The following MTMR8 variants were observed in gnomAD, a reference collection of about 807,000 sequenced individuals.
MTMR8 encodes the protein phosphatidylinositol-3,5-bisphosphate 3-phosphatase MTMR8.
In MTMR8, 65 loss-of-function variants were observed where a neutral mutation model predicts 39.3. That is an observed-to-expected ratio of 1.65 (90% CI 1.35 to 2.03). MTMR8 has a LOEUF of 2.03. Among genes scored for constraint, MTMR8 ranks in the 30% most tolerant of loss-of-function variants. The pLI is 0.00. For synonymous variants in MTMR8, 245 were observed against 185.2 expected (o/e 1.32, Z -2.62); for missense variants, 777 against 538.9 (o/e 1.44, Z -4.37).
chrX:64,345,215 G>A (rs745846870), intron 6 of MTMR8, 38 bp from the exon 7 acceptor site: 10 of 1,182,708 alleles, frequency 8.5e-6, no homozygotes, highest in Non-Finnish European at 1.1e-5. Context: ...AGATAGGCCA[G>A]ATGATGAAAG....
rs1931926922 is a variant in MTMR8 at position 64,278,430 on chromosome X, TTGTTGA to T, written c.1482-7363_1482-7358del. Among the ~76,000 whole-genome samples the T allele has an allele frequency of 2.8e-5, 3 of 106,884 alleles. No homozygotes were observed. The Admixed American group carries it at 3.1e-4, about 11-fold the overall frequency. 92.8% of individuals were successfully genotyped at this position (106,884 alleles called of 115,157 possible). On this transcript the variant is annotated intron_variant, in intron 12 of 13. Transcript: ENST00000374852. ...TGGGGTTTCTGTGTGGATGTCCTTTTTGTTGATGTTGATGCTATTTATTTTGCTGGT... is the reference window on the plus strand; with the variant it reads ...TGGGGTTTCTGTGTGGATGTCCTTTTTGTTGATGCTATTTATTTTGCTGGT...
chrX:64,369,368 T>A (rs1266428637), intron 1 of MTMR8, among the ~76,000 whole-genome samples: 1 of 112,061 alleles, frequency 8.9e-6, no homozygotes, highest in African/African-American at 3.2e-5. Flanking sequence ...CCAACCCAGA[T>A]GTCCATCAAT....
At chrX:64,347,848 A>G in intron 6 of MTMR8, among the ~76,000 whole-genome samples, 1 of 112,415 alleles carries the variant, frequency 8.9e-6, no homozygotes, top group South Asian at 3.7e-4. Flanking sequence ...AAGGTTAAGG[A>G]ATTAATGCAG....
chrX:64,299,830 G>A (rs1408065174), intron 12 of MTMR8, among the ~76,000 whole-genome samples: 23 of 96,190 alleles, frequency 2.4e-4, no homozygotes, highest in Admixed American at 9.5e-4. Flanking sequence ...CCTTCATTTC[G>A]TTATGTACCC....
intron 12 of MTMR8, among the ~76,000 whole-genome samples, chrX:64,298,632 A>G (rs1460250236): frequency 1.0e-5 from 1 of 95,491 alleles, no homozygotes; most frequent in East Asian, 2.9e-4. Context: ...AGGAGTGGTG[A>G]GAGAGGGCAT....
chrX:64,389,385 G>A (rs901715528), intron 1 of MTMR8, among the ~76,000 whole-genome samples: 2 of 111,429 alleles, frequency 1.8e-5, no homozygotes, highest in Admixed American at 9.5e-5. Context: ...AAGCACTTAA[G>A]TATTTTACCA....
chrX:64,280,060 C>T lies in MTMR8; in HGVS notation c.1482-8987G>A, dbSNP rs1023513720. On this transcript the variant is annotated intron_variant, in intron 12 of 13. Transcript: ENST00000374852. ...CTGAAATTGCAGCTGTAATAAATAG[C>T]CTACCAACTAAAAAAAGCCCAGGAC... Among the ~76,000 whole-genome samples the T allele has an allele frequency of 3.6e-5, 4 of 111,839 alleles. No homozygotes were observed. The South Asian group carries it at 1.5e-3, about 42-fold the overall frequency.
chrX:64,304,893 T>C (rs944966960), intron 12 of MTMR8, among the ~76,000 whole-genome samples: 11 of 60,432 alleles, frequency 1.8e-4, no homozygotes, highest in African/African-American at 6.3e-4. Context: ...TATATATATA[T>C]ATATATATAT....
chrX:64,312,130 C>T (rs1469499073), intron 12 of MTMR8, among the ~76,000 whole-genome samples: 1 of 111,447 alleles, frequency 9.0e-6, no homozygotes, highest in African/African-American at 3.3e-5. Context: ...TTCTTCCTAC[C>T]CATGAGCATG....
At chrX:64,300,805 G>A (rs1190246510) in intron 12 of MTMR8, among the ~76,000 whole-genome samples, 7 of 106,447 alleles carry the variant, frequency 6.6e-5, no homozygotes, top group African/African-American at 1.7e-4. Context: ...TTGCTTGTCT[G>A]TAAAGTATTT....
At chrX:64,365,565 G>T (rs1390937272) in intron 1 of MTMR8, among the ~76,000 whole-genome samples, 2 of 111,867 alleles carry the variant, frequency 1.8e-5, no homozygotes, top group African/African-American at 3.3e-5. Flanking sequence ...AATGTTGAGA[G>T]ATTTTGTCAC....
intron 12 of MTMR8, among the ~76,000 whole-genome samples, chrX:64,310,868 T>A (rs768197153): frequency 8.9e-6 from 1 of 112,186 alleles, no homozygotes; most frequent in Admixed American, 9.4e-5. Flanking sequence ...CCATGGTGTA[T>A]ATGTGCCACA....
intron 1 of MTMR8, among the ~76,000 whole-genome samples, chrX:64,374,606 G>C (rs1569231505): frequency 8.9e-6 from 1 of 111,850 alleles, no homozygotes; most frequent in East Asian, 2.8e-4. Context: ...TGGAATAAAA[G>C]TAGTTAAAGA....
intron 4 of MTMR8, among the ~76,000 whole-genome samples, chrX:64,352,327 C>A (rs1923507324): frequency 9.0e-6 from 1 of 111,514 alleles, no homozygotes; most frequent in Non-Finnish European, 1.9e-5. Context: ...TCCCCTGAAC[C>A]TTTTCCCTTT....
In MTMR8 at chrX:64,345,088, C is replaced by G; in HGVS notation, c.822G>C (p.Glu274Asp). The part of the protein sequence containing the change: ...ANIRFRFMGI[E>D]NIHVMRSSLQ... ...GACTGCTCCGCATTACATGGATGTTCTCAATGCCCATGAATCTGAAGCGAA... is the reference window on the plus strand; with the variant it reads ...GACTGCTCCGCATTACATGGATGTTGTCAATGCCCATGAATCTGAAGCGAA... The change falls in exon 7 of 14, where the codon GAG becomes GAC. Residue 274 changes from glutamate (E) to aspartate (D), a missense_variant. Transcript: ENST00000374852. The G allele has an allele frequency of 1.2e-5, 15 of 1,211,095 alleles. No homozygotes were observed. Among genetic ancestry groups the G allele is most frequent in the Non-Finnish European group, 1.7e-5 (15 of 894,840 alleles).
chrX:64,362,571 T>C (rs1315289265), intron 1 of MTMR8, among the ~76,000 whole-genome samples: 1 of 94,226 alleles, frequency 1.1e-5, no homozygotes, highest in Non-Finnish European at 2.1e-5. Context: ...GGGAGTCTAA[T>C]AGAGCATAAA....
chrX:64,366,786 A>T (rs1225412751), intron 1 of MTMR8, among the ~76,000 whole-genome samples: 1 of 111,910 alleles, frequency 8.9e-6, no homozygotes, highest in Non-Finnish European at 1.9e-5. Flanking sequence ...TAGAGACAAA[A>T]AAAACTTCAA....
Position 64,269,008 on chromosome X carries a change from G to A in MTMR8, c.1644C>T (p.Ile548=). Residue 548 remains isoleucine (I), a synonymous_variant, in exon 14 of 14, where the codon ATC becomes ATT. Coordinates refer to ENST00000374852, the MANE Select transcript of MTMR8 (RefSeq NM_017677.4). The part of the protein sequence containing the change: ...LKVRDEPPEE[I]CTCSQLGNIL... ...TGTTTCCTAATTGAGAGCAGGTACA[G>A]ATCTCTTCTGGTGGCTCATCACGGA... 3 of 1,211,513 alleles carry A rather than the reference G, an allele frequency of 2.5e-6. No individual in the cohort carries two copies. Among genetic ancestry groups the A allele is most frequent in the South Asian group, 1.8e-5 (1 of 56,907 alleles).
chrX:64,270,124 G>A (rs1049387548), intron 13 of MTMR8, among the ~76,000 whole-genome samples: 5 of 110,538 alleles, frequency 4.5e-5, no homozygotes, highest in Non-Finnish European at 7.6e-5. Context: ...TGTTTCCTAC[G>A]ATTTTAACTT....
Sources: gnomAD v4.1 joint callset for allele counts (sites outside exome capture counted in the v4.1 genomes callset) on GRCh38, gnomAD v4.1.1 for gene constraint, MANE v1.5 for transcripts, NCBI Gene and HGNC (gene_info 2026-07-23, HGNC 2026-07-21) for gene names.